The following ZNF407 variants were observed in gnomAD, a reference collection of about 807,000 sequenced individuals.
ZNF407 encodes the protein zinc finger protein 407.
Under a neutral mutation model 131.2 loss-of-function variants are expected in ZNF407, and 17 were observed. The ratio of observed to expected loss-of-function variants is 0.13; its 90% confidence interval spans 0.09 to 0.19. The LOEUF (loss-of-function observed/expected upper bound fraction) is 0.19, where lower values mean the gene tolerates loss of function less well. Ranked by LOEUF, ZNF407 falls within the 10% of genes least tolerant of loss-of-function variation. The pLI is 1.00. For missense variants in ZNF407, 2,681 were observed against 2,830.6 expected (o/e 0.95, Z 1.20); for synonymous variants, 1,156 against 1,062.0 (o/e 1.09, Z -1.72).
chr18:74,652,132 T>G (rs17055332), intron 3 of ZNF407, among the ~76,000 whole-genome samples: 33,593 of 151,968 alleles, frequency 0.22, 3,750 homozygotes, highest in Non-Finnish European at 0.24. Flanking sequence ...TCTACCCTTT[T>G]AAAGAGGCTT....
At chr18:74,820,188 C>T (rs1970321392) in intron 4 of ZNF407, among the ~76,000 whole-genome samples, 1 of 152,180 alleles carries the variant, frequency 6.6e-6, no homozygotes, top group East Asian at 1.9e-4. Flanking sequence ...TCAGGATTTG[C>T]AACACTGAAT....
At chr18:74,731,619 T>C (rs191378521) in intron 3 of ZNF407, among the ~76,000 whole-genome samples, 66 of 152,344 alleles carry the variant, frequency 4.3e-4, no homozygotes, top group African/African-American at 1.5e-3. Context: ...AAGATGAGTG[T>C]AGTAAGCACT....
chr18:74,961,808 C>G (rs1655598668), intron 8 of ZNF407, among the ~76,000 whole-genome samples: 1 of 151,966 alleles, frequency 6.6e-6, no homozygotes, highest in African/African-American at 2.4e-5. Flanking sequence ...ATGTGTTCAC[C>G]AATCTTGAAC....
chr18:74,999,231 G>GAT, intron 8 of ZNF407, among the ~76,000 whole-genome samples: 1 of 100,124 alleles, frequency 1.0e-5, no homozygotes, highest in East Asian at 2.9e-4. Flanking sequence ...ATAGCATTGG[G>GAT]AGATATACCT....
intron 4 of ZNF407, among the ~76,000 whole-genome samples, chr18:74,822,959 G>C (rs1228788791): frequency 6.6e-6 from 1 of 152,096 alleles, no homozygotes; most frequent in Non-Finnish European, 1.5e-5. Flanking sequence ...TTGGTTTGTA[G>C]TTCTCCTTGA....
At chr18:74,651,610 C>A (rs1985229925) in intron 3 of ZNF407, among the ~76,000 whole-genome samples, 1 of 152,022 alleles carries the variant, frequency 6.6e-6, no homozygotes, top group Non-Finnish European at 1.5e-5. Context: ...TAATGGGATG[C>A]ATATTTGATG....
chr18:74,696,504 A>C (rs572222789), intron 3 of ZNF407, among the ~76,000 whole-genome samples: 1 of 152,310 alleles, frequency 6.6e-6, no homozygotes, highest in African/African-American at 2.4e-5. Flanking sequence ...TTCTATTCGG[A>C]GCAATGACTG....
intron 8 of ZNF407, among the ~76,000 whole-genome samples, chr18:74,925,371 T>A (rs1490579705): frequency 2.0e-5 from 3 of 152,226 alleles, no homozygotes; most frequent in Admixed American, 6.5e-5. Context: ...TCTTCCCATT[T>A]ATAAGAATAA....
chr18:74,641,469 T>G (rs1386562969), intron 3 of ZNF407, among the ~76,000 whole-genome samples: 2 of 152,034 alleles, frequency 1.3e-5, no homozygotes, highest in African/African-American at 2.4e-5. Flanking sequence ...GTATATGTAT[T>G]TTTTTTTCTT....
intron 4 of ZNF407, among the ~76,000 whole-genome samples, chr18:74,832,472 T>C (rs910465361): frequency 1.3e-5 from 2 of 152,106 alleles, no homozygotes; most frequent in Non-Finnish European, 2.9e-5. Flanking sequence ...TTGTTTTTTT[T>C]GAGATAGGGT....
intron 8 of ZNF407, among the ~76,000 whole-genome samples, chr18:74,972,145 T>C (rs1435925818): frequency 6.6e-6 from 1 of 152,180 alleles, no homozygotes; most frequent in Non-Finnish European, 1.5e-5. Context: ...CAATTCAAGT[T>C]GAGATTTGGA....
chr18:74,867,383 T>C (rs2896867), intron 4 of ZNF407, among the ~76,000 whole-genome samples: 52,031 of 149,832 alleles, frequency 0.35, 9,208 homozygotes, highest in South Asian at 0.43. Context: ...GGAATAGTTA[T>C]CTTAATTTAT....
chr18:74,686,326 G>T (rs1385973675), intron 3 of ZNF407, among the ~76,000 whole-genome samples: 3 of 152,120 alleles, frequency 2.0e-5, no homozygotes, highest in Non-Finnish European at 4.4e-5. Flanking sequence ...ATGTTTCCCA[G>T]TTCACACAAA....
chr18:74,994,311 T>C (rs1034892859), intron 8 of ZNF407, among the ~76,000 whole-genome samples: 1 of 152,200 alleles, frequency 6.6e-6, no homozygotes, highest in African/African-American at 2.4e-5. Flanking sequence ...GATAAAAGTA[T>C]AAGAGAGTAG....
At chr18:74,798,825 G>A (rs555182128) in intron 4 of ZNF407, among the ~76,000 whole-genome samples, 3 of 151,918 alleles carry the variant, frequency 2.0e-5, no homozygotes, top group Non-Finnish European at 4.4e-5. Flanking sequence ...TTTTATTTTT[G>A]CAAAAGAAAT....
At chr18:74,840,976 C>G (rs975345082) in intron 4 of ZNF407, among the ~76,000 whole-genome samples, 2 of 152,194 alleles carry the variant, frequency 1.3e-5, no homozygotes, top group African/African-American at 4.8e-5. Flanking sequence ...GAGCTCCTCC[C>G]TGGTGCCTCA....
chr18:74,764,008 C>T (rs1006364006), intron 3 of ZNF407, among the ~76,000 whole-genome samples: 5 of 151,954 alleles, frequency 3.3e-5, no homozygotes, highest in South Asian at 2.1e-4. Context: ...CCACCGCGCC[C>T]GGCCATCTTT....
chr18:74,706,940 C>CCTTTTTTTTTTTTTTTTT (rs1967637808), intron 3 of ZNF407, among the ~76,000 whole-genome samples: 4 of 132,350 alleles, frequency 3.0e-5, no homozygotes, highest in Non-Finnish European at 6.4e-5. Flanking sequence ...AAGACAGCAG[C>CCTTTTTTTTTTTTTTTTT]TTTTTTTTTT....
At chr18:75,054,149 A>G (rs988753130) in intron 8 of ZNF407, among the ~76,000 whole-genome samples, 11 of 152,254 alleles carry the variant, frequency 7.2e-5, no homozygotes, top group African/African-American at 2.7e-4. Flanking sequence ...GGCATAGAGA[A>G]GAAATCCGCA....
Sources: gnomAD v4.1 joint callset for allele counts (sites outside exome capture counted in the v4.1 genomes callset) on GRCh38, gnomAD v4.1.1 for gene constraint, MANE v1.5 for transcripts, NCBI Gene and HGNC (gene_info 2026-07-23, HGNC 2026-07-21) for gene names.